Variants in MYO1E observed in about 807,000 individuals in gnomAD.
MYO1E encodes the protein unconventional myosin-Ie.
Under a neutral mutation model 151.1 loss-of-function variants are expected in MYO1E, and 68 were observed. The observed-to-expected ratio is 0.45, with a 90% confidence interval of 0.37 to 0.55. The LOEUF (loss-of-function observed/expected upper bound fraction) is 0.55. Among genes scored for constraint, MYO1E ranks in the 20% least tolerant of loss-of-function variants. MYO1E has a pLI of 0.00. For missense variants in MYO1E, 1,363 were observed against 1,389.3 expected (o/e 0.98, Z 0.30); for synonymous variants, 601 against 501.7 (o/e 1.20, Z -2.64).
At chr15:59,199,359 A>C (rs1253540599) in intron 16 of MYO1E, among the ~76,000 whole-genome samples, 2 of 152,198 alleles carry the variant, frequency 1.3e-5, no homozygotes, top group Admixed American at 6.5e-5. Flanking sequence ...CTAGGATAAC[A>C]GCCATGAGCC....
At chr15:59,231,065 A>G (rs1180236706) in intron 6 of MYO1E, among the ~76,000 whole-genome samples, 1 of 152,236 alleles carries the variant, frequency 6.6e-6, no homozygotes, top group Non-Finnish European at 1.5e-5. Context: ...AGCATTCATA[A>G]CAATGCACTT....
At chr15:59,205,628 C>G in intron 14 of MYO1E, 143 bp from the exon 15 acceptor site, 1 of 765,370 alleles carries the variant, frequency 1.3e-6, no homozygotes, top group Non-Finnish European at 2.2e-6. Flanking sequence ...ATGTGGATTT[C>G]CAGATGTTGC....
At chr15:59,247,215 C>A (rs1401522545) in intron 4 of MYO1E, among the ~76,000 whole-genome samples, 1 of 152,078 alleles carries the variant, frequency 6.6e-6, no homozygotes, top group East Asian at 1.9e-4. Flanking sequence ...AATAAAAAAG[C>A]ACCTGTATTT....
At chr15:59,207,844 G>A in intron 14 of MYO1E, 2 of 1,614,156 alleles carry the variant, frequency 1.2e-6, no homozygotes, top group Non-Finnish European at 1.7e-6. Context: ...TTGGGCCATT[G>A]GCCTATCTGT....
intron 7 of MYO1E, among the ~76,000 whole-genome samples, chr15:59,226,493 T>C (rs2079992323): frequency 6.6e-6 from 1 of 152,234 alleles, no homozygotes. Flanking sequence ...TTTTAAGTAC[T>C]TAAAAACCTT....
chr15:59,141,846 A>G (rs2079411720), intron 26 of MYO1E, among the ~76,000 whole-genome samples: 1 of 150,206 alleles, frequency 6.7e-6, no homozygotes, highest in South Asian at 2.1e-4. Context: ...CACGCCTGTA[A>G]TCTGTAATCC....
intron 1 of MYO1E, among the ~76,000 whole-genome samples, chr15:59,333,580 T>A (rs550155289): frequency 4.5e-4 from 69 of 152,248 alleles, no homozygotes; most frequent in African/African-American, 1.5e-3. Context: ...CCCACACCCA[T>A]TGTGAAATTA....
rs755602343 is a variant in MYO1E, at chr15:59,207,989, C to A, written c.1530+692G>T. ...TGTATCCTGGGAGAGAACGGTATTA[C>A]CAACCTTATAAAGATAAAGCTGACC... On this transcript the variant is annotated intron_variant, in intron 14 of 27. Transcript: ENST00000288235. 12 of 1,613,858 alleles carry A rather than the reference C, an allele frequency of 7.4e-6. No individual in the cohort carries two copies. Among genetic ancestry groups the A allele is most frequent in the African/African-American group, 1.3e-5 (1 of 74,984 alleles).
intron 1 of MYO1E, among the ~76,000 whole-genome samples, chr15:59,322,217 C>G (rs2080631055): frequency 6.6e-6 from 1 of 151,674 alleles, no homozygotes; most frequent in African/African-American, 2.4e-5. Flanking sequence ...GAAAAACTAA[C>G]TATTGGGTAT....
At chr15:59,353,610 A>G (rs2080837144) in intron 1 of MYO1E, among the ~76,000 whole-genome samples, 1 of 151,618 alleles carries the variant, frequency 6.6e-6, no homozygotes, top group Non-Finnish European at 1.5e-5. Flanking sequence ...ACAAAAAAAT[A>G]GCCGGGTGTG....
chr15:59,312,991 C>A (rs2080562421), intron 1 of MYO1E, among the ~76,000 whole-genome samples: 1 of 152,202 alleles, frequency 6.6e-6, no homozygotes, highest in African/African-American at 2.4e-5. Context: ...CGCCATTGCA[C>A]TGCAACATCT....
At chr15:59,274,013 T>C (rs1403852504) in intron 1 of MYO1E, among the ~76,000 whole-genome samples, 1 of 152,028 alleles carries the variant, frequency 6.6e-6, no homozygotes, top group Non-Finnish European at 1.5e-5. Flanking sequence ...AGAAACAAGA[T>C]GGAAGCCATT....
intron 26 of MYO1E, among the ~76,000 whole-genome samples, chr15:59,152,434 G>C (rs2079487043): frequency 6.6e-6 from 1 of 152,096 alleles, no homozygotes; most frequent in African/African-American, 2.4e-5. Context: ...AGAGTGGGTG[G>C]GAGCAGGCCA....
chr15:59,353,574 G>A (rs2080836931), intron 1 of MYO1E, among the ~76,000 whole-genome samples: 2 of 150,796 alleles, frequency 1.3e-5, no homozygotes, highest in South Asian at 2.1e-4. Flanking sequence ...TGGCTAACAT[G>A]GAGAAACCCC....
At chr15:59,152,826 T>A (rs959723900) in intron 26 of MYO1E, among the ~76,000 whole-genome samples, 1 of 152,100 alleles carries the variant, frequency 6.6e-6, no homozygotes, top group African/African-American at 2.4e-5. Flanking sequence ...GTGATCCCCA[T>A]CCACCTGGTG....
intron 9 of MYO1E, among the ~76,000 whole-genome samples, chr15:59,221,178 T>C (rs2079953867): frequency 2.0e-5 from 3 of 151,564 alleles, no homozygotes; most frequent in South Asian, 4.2e-4. Context: ...ACCTGGCTAA[T>C]GTTTGTATTT....
intron 1 of MYO1E, among the ~76,000 whole-genome samples, chr15:59,338,200 G>C (rs2080741363): frequency 6.7e-6 from 1 of 149,434 alleles, no homozygotes; most frequent in African/African-American, 2.5e-5. Flanking sequence ...TTAGGAATTT[G>C]GTAGCTGTCT....
rs2080816101 is a variant in MYO1E at position 59,350,171 on chromosome 15, TAAGTA to T, written c.3+22322_3+22326del. Among the ~76,000 whole-genome samples the T allele has an allele frequency of 6.6e-6, 1 of 152,234 alleles. No individual in the cohort carries two copies. Among genetic ancestry groups the T allele is most frequent in the Non-Finnish European group, 1.5e-5 (1 of 68,032 alleles). On this transcript the variant is annotated intron_variant, in intron 1 of 27. Coordinates refer to ENST00000288235, the MANE Select transcript of MYO1E (RefSeq NM_004998.4). The surrounding 1 kb of genome is among the most constrained non-coding windows in gnomAD (Gnocchi z 5.0). ...TTAACAAATGAAACTGAAGTACAGT[TAAGTA>T]ATTTGTTCTACTCAGTTCCAGGAAA...
At position 59,135,982 on chromosome 15, in the gene MYO1E, G is replaced by C. The variant is rs116987253; in HGVS notation, c.*1398C>G. On this transcript the variant is annotated 3_prime_UTR_variant, in exon 28 of 28. Transcript: ENST00000288235. ...CCACAAACCGAGTGGCTTAAACAGCGAAATGTATTGCCTCACAGTTCTGGA... is the reference window on the plus strand; with the variant it reads ...CCACAAACCGAGTGGCTTAAACAGCCAAATGTATTGCCTCACAGTTCTGGA... 6.6e-6 allele frequency: 1 copy of C among 152,216 alleles called. No individual in the cohort carries two copies. The highest frequency in any genetic ancestry group is 1.5e-5 in the Non-Finnish European group (1 of 68,058). The allele number at this position is 152,216 out of a possible 1,614,324, so 9.4% of individuals were successfully genotyped here.
Sources: allele counts gnomAD v4.1 joint callset (sites outside exome capture counted in the v4.1 genomes callset), GRCh38; gene constraint gnomAD v4.1.1; non-coding constraint Gnocchi (gnomAD v3.1); transcripts MANE v1.5; gene names NCBI Gene and HGNC (gene_info 2026-07-23, HGNC 2026-07-21).